Variants in PXDNL observed in about 807,000 individuals in gnomAD.
PXDNL encodes the protein probable oxidoreductase PXDNL.
PXDNL carries 145 observed loss-of-function variants against 150.8 expected under a neutral mutation model. The ratio of observed to expected loss-of-function variants is 0.96; its 90% CI spans 0.84 to 1.10. The LOEUF (loss-of-function observed/expected upper bound fraction) is 1.10, where lower values mean the gene tolerates loss of function less well. Among genes scored for constraint, PXDNL ranks in the 50% least tolerant of loss-of-function variants. The pLI, the probability that PXDNL is intolerant of heterozygous loss-of-function variation, is 0.00. For missense variants in PXDNL, 2,087 were observed against 1,873.9 expected, an observed-to-expected ratio of 1.11 and a Z score of -2.10; for synonymous variants, 757 against 725.7, an observed-to-expected ratio of 1.04 and a Z score of -0.69.
chr8:51,798,419 T>G (rs2037585246), intron 1 of PXDNL, among the ~76,000 whole-genome samples: 1 of 152,066 alleles, frequency 6.6e-6, no homozygotes, highest in Non-Finnish European at 1.5e-5. Flanking sequence ...GGGAAAAAAT[T>G]TTTGCAATCT....
intron 4 of PXDNL, among the ~76,000 whole-genome samples, chr8:51,529,401 A>G (rs551225249): frequency 5.3e-5 from 8 of 152,310 alleles, no homozygotes; most frequent in African/African-American, 1.9e-4. Context: ...ACTTATCAAC[A>G]GCATTGCCCA....
chr8:51,446,920 G>T, intron 12 of PXDNL, 84 bp downstream of exon 12: 1 of 1,143,502 alleles, frequency 8.7e-7, no homozygotes, highest in Non-Finnish European at 1.3e-6. Context: ...AGTCATATAT[G>T]TCATAAGATC....
At chr8:51,462,987 A>G (rs1270353300) in intron 8 of PXDNL, among the ~76,000 whole-genome samples, 1 of 152,248 alleles carries the variant, frequency 6.6e-6, no homozygotes, top group African/African-American at 2.4e-5. Context: ...CAAAATACTT[A>G]AAGAAAAGAA....
intron 2 of PXDNL, among the ~76,000 whole-genome samples, chr8:51,614,336 A>G (rs1417351860): frequency 6.6e-6 from 1 of 152,232 alleles, no homozygotes; most frequent in East Asian, 1.9e-4. Flanking sequence ...CTGTATGTGT[A>G]AACAGACTGT....
intron 1 of PXDNL, among the ~76,000 whole-genome samples, chr8:51,796,904 G>T (rs1329370318): frequency 6.6e-6 from 1 of 152,106 alleles, no homozygotes; most frequent in Admixed American, 6.6e-5. Flanking sequence ...TCCTTGATGA[G>T]TATCAATGCA....
intron 1 of PXDNL, among the ~76,000 whole-genome samples, chr8:51,670,617 A>G (rs1815479618): frequency 6.6e-6 from 1 of 152,232 alleles, no homozygotes; most frequent in Non-Finnish European, 1.5e-5. Context: ...ATCATTAACC[A>G]TAACATCATT....
At chr8:51,395,758 T>TCTTG (rs1385584562) in intron 17 of PXDNL, among the ~76,000 whole-genome samples, 1 of 152,198 alleles carries the variant, frequency 6.6e-6, no homozygotes, top group African/African-American at 2.4e-5. Flanking sequence ...CTATGTTCCT[T>TCTTG]CTTGCTTGCT....
intron 4 of PXDNL, among the ~76,000 whole-genome samples, chr8:51,534,252 C>A (rs1328279963): frequency 7.2e-6 from 1 of 139,324 alleles, no homozygotes; most frequent in Non-Finnish European, 1.5e-5. Context: ...GCCTGGCAAC[C>A]GCCCCGTCTG....
chr8:51,541,235 C>T (rs1284517794), intron 4 of PXDNL, among the ~76,000 whole-genome samples: 14 of 135,446 alleles, frequency 1.0e-4, no homozygotes, highest in Middle Eastern at 4.3e-3. Flanking sequence ...TCCGGCCTGG[C>T]GACAGAGTGA....
intron 1 of PXDNL, among the ~76,000 whole-genome samples, chr8:51,733,902 AAAG>A (rs1407195346): frequency 6.7e-6 from 1 of 149,426 alleles, no homozygotes; most frequent in African/African-American, 2.4e-5. Context: ...GGAAAAAACA[AAAG>A]AAGGGATATG....
At chr8:51,601,311 T>C (rs1379482036) in intron 2 of PXDNL, among the ~76,000 whole-genome samples, 1 of 151,952 alleles carries the variant, frequency 6.6e-6, no homozygotes, top group Non-Finnish European at 1.5e-5. Flanking sequence ...TCCAATGTTG[T>C]CGTTGGGGTG....
At chr8:51,366,690 G>A (rs1222177635) in intron 19 of PXDNL, among the ~76,000 whole-genome samples, 1 of 152,204 alleles carries the variant, frequency 6.6e-6, no homozygotes, top group Non-Finnish European at 1.5e-5. Context: ...AAAGCCCTCT[G>A]TACAGTAGGA....
intron 6 of PXDNL, among the ~76,000 whole-genome samples, chr8:51,483,404 G>T (rs1321788949): frequency 6.6e-6 from 1 of 152,194 alleles, no homozygotes; most frequent in African/African-American, 2.4e-5. Context: ...GAGAAACGAG[G>T]AAAACGTCTA....
chr8:51,560,501 C>T (rs574998166), intron 3 of PXDNL, among the ~76,000 whole-genome samples: 14 of 151,992 alleles, frequency 9.2e-5, no homozygotes, highest in Admixed American at 8.5e-4. Context: ...CAAATAAGCC[C>T]TTGCATATAT....
intron 6 of PXDNL, among the ~76,000 whole-genome samples, chr8:51,478,583 T>C (rs560061340): frequency 6.6e-6 from 1 of 152,326 alleles, no homozygotes; most frequent in East Asian, 1.9e-4. Flanking sequence ...GAGTTAGAAA[T>C]GGCATGGTAC....
intron 1 of PXDNL, among the ~76,000 whole-genome samples, chr8:51,737,986 C>T (rs1023277367): frequency 2.0e-5 from 3 of 152,186 alleles, no homozygotes; most frequent in Non-Finnish European, 4.4e-5. Context: ...GTGCTCTGTC[C>T]TCTAGTCACG....
intron 12 of PXDNL, among the ~76,000 whole-genome samples, chr8:51,446,493 TTTTA>T (rs2129923066): frequency 6.6e-6 from 1 of 152,316 alleles, no homozygotes; most frequent in South Asian, 2.1e-4. Flanking sequence ...TTTTTTCCCT[TTTTA>T]TATATCAGTT....
At chr8:51,428,521 C>T (rs186947245) in intron 12 of PXDNL, among the ~76,000 whole-genome samples, 4 of 152,258 alleles carry the variant, frequency 2.6e-5, no homozygotes, top group Non-Finnish European at 5.9e-5. Context: ...GAGACACAGA[C>T]ACAAATATCA....
At chr8:51,496,261 G>T (rs1402212891) in intron 5 of PXDNL, among the ~76,000 whole-genome samples, 1 of 152,126 alleles carries the variant, frequency 6.6e-6, no homozygotes, top group Non-Finnish European at 1.5e-5. Flanking sequence ...AATAAATTAG[G>T]TATTGATGAG....
Sources: allele counts gnomAD v4.1 joint callset (sites outside exome capture counted in the v4.1 genomes callset), GRCh38; gene constraint gnomAD v4.1.1; transcripts MANE v1.5; gene names NCBI Gene and HGNC (gene_info 2026-07-23, HGNC 2026-07-21).